Variants in DYNC1I1 observed in about 807,000 individuals in gnomAD.
The protein encoded by DYNC1I1 is cytoplasmic dynein 1 intermediate chain 1.
In DYNC1I1, 43 loss-of-function variants were observed where a neutral mutation model predicts 86.6. The ratio of observed to expected loss-of-function variants is 0.50; its 90% CI spans 0.39 to 0.64. The LOEUF is 0.64. DYNC1I1 is among the 30% of genes least tolerant of loss of function. The pLI is 0.00. For missense variants in DYNC1I1, 604 were observed against 788.8 expected (o/e 0.77, Z 2.81); for synonymous variants, 262 against 283.7 (o/e 0.92, Z 0.77).
At chr7:95,783,795 A>T (rs1441587653) in intron 1 of DYNC1I1, among the ~76,000 whole-genome samples, 1 of 152,208 alleles carries the variant, frequency 6.6e-6, no homozygotes, top group African/African-American at 2.4e-5. Flanking sequence ...TAAGATTCGA[A>T]GCTGAGTTTC....
intron 6 of DYNC1I1, among the ~76,000 whole-genome samples, chr7:95,943,874 C>G (rs1245448471): frequency 6.6e-6 from 1 of 151,608 alleles, no homozygotes; most frequent in African/African-American, 2.4e-5. Context: ...AAAATTAATT[C>G]AAGATGGATT....
chr7:96,081,079 A>AAAAG lies in DYNC1I1; in HGVS notation c.1776+594_1776+595insGAAA, dbSNP rs1554443892. On this transcript the variant is annotated intron_variant, in intron 16 of 16. Coordinates refer to ENST00000447467, the MANE Select transcript of DYNC1I1 (RefSeq NM_001135556.2). ...AGAGACTCCATCTCAAAAAAAAAAG[A>AAAAG]AAAAGAAAAGAAAAGAAAAGTTTGC... Among the ~76,000 whole-genome samples, 546 of 133,672 alleles carry AAAAG rather than the reference A, an allele frequency of 4.1e-3. 9 individuals carry two copies. The highest frequency in any genetic ancestry group is 0.01 in the African/African-American group (348 of 33,600). The allele number at this position is 133,672 out of a possible 152,430, so 87.7% of individuals were successfully genotyped here.
intron 11 of DYNC1I1, among the ~76,000 whole-genome samples, chr7:96,028,530 A>G (rs1271512147): frequency 6.6e-6 from 1 of 152,196 alleles, no homozygotes; most frequent in Non-Finnish European, 1.5e-5. Flanking sequence ...TACATGTGCT[A>G]GCATGTAGGG....
chr7:96,006,302 A>G (rs897322897), intron 10 of DYNC1I1, among the ~76,000 whole-genome samples: 4 of 152,192 alleles, frequency 2.6e-5, no homozygotes, highest in Non-Finnish European at 5.9e-5. Flanking sequence ...GCTTCATCAC[A>G]GGCATAAATG....
intron 1 of DYNC1I1, among the ~76,000 whole-genome samples, chr7:95,788,988 A>C (rs1255989965): frequency 1.3e-5 from 2 of 152,200 alleles, no homozygotes; most frequent in African/African-American, 4.8e-5. Flanking sequence ...TTTTCTTTAA[A>C]AGCTAATGTA....
intron 9 of DYNC1I1, among the ~76,000 whole-genome samples, chr7:95,994,483 A>G (rs77738541): frequency 2.2e-3 from 341 of 152,268 alleles, no homozygotes; most frequent in African/African-American, 7.8e-3. Context: ...AGGATGAGTT[A>G]ATTATGTAAA....
chr7:95,797,546 T>A (rs1794470849), intron 1 of DYNC1I1, among the ~76,000 whole-genome samples: 1 of 152,200 alleles, frequency 6.6e-6, no homozygotes, highest in Non-Finnish European at 1.5e-5. Context: ...AGTTACATTT[T>A]CCAAGTAACC....
At chr7:96,090,242 T>C (rs532427650) in intron 16 of DYNC1I1, among the ~76,000 whole-genome samples, 1 of 151,232 alleles carries the variant, frequency 6.6e-6, no homozygotes, top group Admixed American at 6.6e-5. Context: ...ATATTTGTTG[T>C]TGTTGTTGTT....
intron 5 of DYNC1I1, among the ~76,000 whole-genome samples, chr7:95,846,061 A>G (rs935615310): frequency 6.6e-6 from 1 of 152,154 alleles, no homozygotes; most frequent in African/African-American, 2.4e-5. Flanking sequence ...AGAATTCTAT[A>G]ATTTTATAGT....
intron 10 of DYNC1I1, among the ~76,000 whole-genome samples, chr7:96,018,519 G>A (rs777505773): frequency 2.6e-5 from 4 of 152,146 alleles, no homozygotes; most frequent in Non-Finnish European, 4.4e-5. Flanking sequence ...TGGAATGCTG[G>A]CCGCAAGTAA....
rs74613152 is a variant in DYNC1I1 at position 95,866,156 on chromosome 7, C to A, written c.375-3727C>A. Among the ~76,000 whole-genome samples the A allele has an allele frequency of 1.1e-3, 164 of 152,304 alleles. 3 individuals carry two copies. In the East Asian group the frequency reaches 0.031, roughly 29 times the overall value. The stretch of plus-strand genomic sequence containing the variant: ...TTAGAGAAATCCCTAAGCAAAAGGT[C>A]TTTGCTATGAAAGGACGACACCTTC... On this transcript the variant is annotated intron_variant, in intron 5 of 16. Transcript: ENST00000447467.
At chr7:95,965,586 A>T (rs1251161924) in intron 6 of DYNC1I1, among the ~76,000 whole-genome samples, 1 of 152,196 alleles carries the variant, frequency 6.6e-6, no homozygotes, top group Non-Finnish European at 1.5e-5. Context: ...TTAAGTAAAT[A>T]ACCCATGATT....
At chr7:95,888,414 G>A (rs1790652040) in intron 6 of DYNC1I1, among the ~76,000 whole-genome samples, 1 of 152,126 alleles carries the variant, frequency 6.6e-6, no homozygotes. Flanking sequence ...TCCAGCCTGG[G>A]CAACAGAGTG....
At chr7:95,945,831 C>T (rs913748183) in intron 6 of DYNC1I1, among the ~76,000 whole-genome samples, 10 of 151,980 alleles carry the variant, frequency 6.6e-5, no homozygotes, top group African/African-American at 2.4e-4. Context: ...ATGATATATT[C>T]TATTATAAAG....
intron 11 of DYNC1I1, 86 bp from the exon 12 acceptor site, chr7:96,032,581 T>C: frequency 9.7e-7 from 1 of 1,028,096 alleles, no homozygotes; most frequent in Non-Finnish European, 1.5e-6. Context: ...TCTTTAATCC[T>C]TGTTTTAGAG....
intron 14 of DYNC1I1, among the ~76,000 whole-genome samples, chr7:96,067,695 G>A (rs1790036122): frequency 6.6e-6 from 1 of 152,048 alleles, no homozygotes; most frequent in Non-Finnish European, 1.5e-5. Context: ...AAACACTTTT[G>A]AGACTTGAAA....
At chr7:95,935,883 A>G (rs1792027472) in intron 6 of DYNC1I1, among the ~76,000 whole-genome samples, 1 of 152,094 alleles carries the variant, frequency 6.6e-6, no homozygotes, top group African/African-American at 2.4e-5. Context: ...TATCAGGGAA[A>G]TGAAATCAAA....
intron 6 of DYNC1I1, among the ~76,000 whole-genome samples, chr7:95,887,557 A>G (rs895207487): frequency 3.9e-5 from 6 of 152,068 alleles, no homozygotes; most frequent in African/African-American, 1.4e-4. Context: ...CTCTTATAGC[A>G]TTTATATTTC....
intron 5 of DYNC1I1, among the ~76,000 whole-genome samples, chr7:95,840,376 T>G (rs990755800): frequency 6.6e-6 from 1 of 152,176 alleles, no homozygotes; most frequent in Non-Finnish European, 1.5e-5. Flanking sequence ...CATATTGAAT[T>G]TTTCAGTTCA....
Sources: gnomAD v4.1 joint callset for allele counts (sites outside exome capture counted in the v4.1 genomes callset) on GRCh38, gnomAD v4.1.1 for gene constraint, MANE v1.5 for transcripts, NCBI Gene and HGNC (gene_info 2026-07-23, HGNC 2026-07-21) for gene names.